Variants in LIX1L observed in about 807,000 individuals in gnomAD.
The protein encoded by LIX1L is limb and CNS expressed 1 like.
A neutral mutation model predicts 34.0 loss-of-function variants in LIX1L; 20 were observed. The ratio of observed to expected loss-of-function variants is 0.59; its 90% CI spans 0.41 to 0.85. The LOEUF (loss-of-function observed/expected upper bound fraction) is 0.85. LIX1L is among the 40% of genes least tolerant of loss of function. The pLI is 0.00. For synonymous variants in LIX1L, 170 were observed against 187.4 expected (o/e 0.91, Z 0.76); for missense variants, 397 against 447.0 (o/e 0.89, Z 1.01).
At chr1:145,954,545 C>T (rs1284618048) in intron 1 of LIX1L, among the ~76,000 whole-genome samples, 1 of 152,132 alleles carries the variant, frequency 6.6e-6, no homozygotes, top group Non-Finnish European at 1.5e-5. Flanking sequence ...ATCATGCAGC[C>T]ATATTGTAAC....
intron 3 of LIX1L, among the ~76,000 whole-genome samples, chr1:145,938,201 A>C (rs2101893721): frequency 6.6e-6 from 1 of 152,264 alleles, no homozygotes; most frequent in Admixed American, 6.5e-5. Flanking sequence ...TTATTTTTCA[A>C]CTGTAGTCAG....
rs1553759451 is a variant in LIX1L at position 145,948,190 on chromosome 1, A to G, written c.293-408T>C. Among the ~76,000 whole-genome samples the G allele has an allele frequency of 6.6e-6, 1 of 152,218 alleles. No individual in the cohort carries two copies. The highest frequency in any genetic ancestry group is 1.5e-5 in the Non-Finnish European group (1 of 68,036). On this transcript the variant is annotated intron_variant, in intron 1 of 5. Transcript: ENST00000604000. This position sits in a 1 kb window ranked among gnomAD's most constrained non-coding sequence, Gnocchi z 4.0. ...ACAGTTGGTTAGCTGGCCCAGGATG[A>G]TAATAACCACCACAATAAGTGCTAA...
rs187612084 is a variant in LIX1L, at chr1:145,948,470, A to T, written c.293-688T>A. Among the ~76,000 whole-genome samples, 1 of 152,294 alleles carries T rather than the reference A, an allele frequency of 6.6e-6. No homozygotes were observed. Among genetic ancestry groups the T allele is most frequent in the East Asian group, 1.9e-4 (1 of 5,184 alleles). ...TCAAGGAAATATAGCCCTAATAACCATTCTCGAGCCTGTGCTTCTAGTGAG... is the reference window on the plus strand; with the variant it reads ...TCAAGGAAATATAGCCCTAATAACCTTTCTCGAGCCTGTGCTTCTAGTGAG... On this transcript the variant is annotated intron_variant, in intron 1 of 5. Coordinates refer to ENST00000604000, the MANE Select transcript of LIX1L (RefSeq NM_153713.3). This position sits in a 1 kb window ranked among gnomAD's most constrained non-coding sequence, Gnocchi z 4.0.
At chr1:145,955,610 A>G (rs1028291471) in intron 1 of LIX1L, among the ~76,000 whole-genome samples, 24 of 152,226 alleles carry the variant, frequency 1.6e-4, no homozygotes, top group African/African-American at 5.1e-4. Flanking sequence ...TTGAAGCAGA[A>G]TAAGTGATTC....
rs1426218416 is a variant in LIX1L at position 145,934,975 on chromosome 1, T to A, written c.*1335A>T. 2 of 152,012 alleles carry A rather than the reference T, an allele frequency of 1.3e-5. No homozygotes were observed. Among genetic ancestry groups the A allele is most frequent in the Admixed American group, 6.6e-5 (1 of 15,252 alleles). 9.4% of individuals were successfully genotyped at this position (152,012 alleles called of 1,614,324 possible). On this transcript the variant is annotated 3_prime_UTR_variant, in exon 6 of 6. Coordinates refer to ENST00000604000, the MANE Select transcript of LIX1L (RefSeq NM_153713.3). ...TTATGTCAGGAGTTCAAGAACAGCC[T>A]GGCCAACATGGTGAAACCCTGTCTC...
intron 2 of LIX1L, among the ~76,000 whole-genome samples, chr1:145,943,757 C>G (rs1440720639): frequency 6.6e-6 from 1 of 151,966 alleles, no homozygotes. Context: ...AGACCAAGGC[C>G]GGGCTTGGTG....
chr1:145,943,998 C>T (rs1250483583), intron 2 of LIX1L, among the ~76,000 whole-genome samples: 1 of 151,882 alleles, frequency 6.6e-6, no homozygotes, highest in Non-Finnish European at 1.5e-5. Flanking sequence ...GTTATGATCA[C>T]ACCACTACAC....
At position 145,955,526 on chromosome 1, in the gene LIX1L, G is replaced by A. The variant is rs115493746; in HGVS notation, c.292+2110C>T. Among the ~76,000 whole-genome samples the A allele has an allele frequency of 8.1e-3, 1,230 of 152,292 alleles. 15 individuals carry two copies. The highest frequency in any genetic ancestry group is 0.028 in the African/African-American group (1,184 of 41,552). On this transcript the variant is annotated intron_variant, in intron 1 of 5. Transcript: ENST00000604000. ...AGTAAATTGTATTCAGGGGAATACA[G>A]CCATTCCCCCAAATAACATGCCATC...
At chr1:145,947,282 T>C (rs1337548128) in intron 2 of LIX1L, 6 of 236,008 alleles carry the variant, frequency 2.5e-5, no homozygotes, top group African/African-American at 6.6e-5. Flanking sequence ...CAAGGAATAT[T>C]GTTCTATATC....
rs1346503079 is a variant in LIX1L at position 145,957,801 on chromosome 1, G to C, written c.127C>G (p.Pro43Ala). ...AATATPPAGP[P>A]PAPPPPAPPP... ...GGTGCGGGAGGCGGCGGGGCAGGCGGGGGGCCCGCAGGGGGTGTGGCGGTG... is the reference window on the plus strand; with the variant it reads ...GGTGCGGGAGGCGGCGGGGCAGGCGCGGGGCCCGCAGGGGGTGTGGCGGTG... Residue 43 changes from proline to alanine, a missense_variant, in exon 1 of 6, where the codon CCG becomes GCG. This residue lies in a region of LIX1L where 207 missense variants were observed against 205.2 expected (regional missense o/e 1.01). Transcript: ENST00000604000. The C allele has an allele frequency of 2.2e-6, 3 of 1,354,070 alleles. No homozygotes were observed. Among genetic ancestry groups the C allele is most frequent in the African/African-American group, 3.1e-5 (2 of 65,410 alleles). The allele number at this position is 1,354,070 out of a possible 1,614,324, so 83.9% of individuals were successfully genotyped here.
At chr1:145,947,485 C>T (rs895880004) in intron 2 of LIX1L, 134 bp downstream of exon 2, 14 of 943,156 alleles carry the variant, frequency 1.5e-5, no homozygotes, top group African/African-American at 1.5e-4. Flanking sequence ...AGATGCTTGC[C>T]AGAATAATTT....
At chr1:145,941,404 C>G (rs1240350792) in intron 3 of LIX1L, among the ~76,000 whole-genome samples, 6 of 152,008 alleles carry the variant, frequency 3.9e-5, no homozygotes, top group African/African-American at 1.2e-4. Flanking sequence ...AGGCGCCCAC[C>G]ACTGCGCCCA....
chr1:145,942,953 G>A (rs1473191204), intron 2 of LIX1L, 100 bp from the exon 3 acceptor site: 8 of 1,155,440 alleles, frequency 6.9e-6, no homozygotes, highest in African/African-American at 3.1e-5. Context: ...ACACTTGGAC[G>A]CTCTTTGGAT....
chr1:145,939,175 T>G (rs1648782475), intron 3 of LIX1L, among the ~76,000 whole-genome samples: 1 of 151,716 alleles, frequency 6.6e-6, no homozygotes. Context: ...AGAGATGAAG[T>G]CTCTTTATGT....
intron 2 of LIX1L, 124 bp from the exon 3 acceptor site, chr1:145,942,977 T>A: frequency 1.1e-6 from 1 of 918,576 alleles, no homozygotes; most frequent in South Asian, 1.6e-5. Flanking sequence ...TCAGTTGTGT[T>A]CAACACACTT....
chr1:145,944,965 C>T (rs1649047544), intron 2 of LIX1L, among the ~76,000 whole-genome samples: 1 of 151,348 alleles, frequency 6.6e-6, no homozygotes. Context: ...GAAGTTAAGG[C>T]TGCAGTGAGC....
rs1648610827 is a variant in LIX1L, at chr1:145,935,638, AT to A, written c.*671del. 1 of 152,790 alleles carries A rather than the reference AT, an allele frequency of 6.5e-6. No individual in the cohort carries two copies. Among genetic ancestry groups the A allele is most frequent in the Non-Finnish European group, 1.5e-5 (1 of 68,408 alleles). The allele number at this position is 152,790 out of a possible 1,614,324, so 9.5% of individuals were successfully genotyped here. A position where few individuals can be genotyped will look rare whatever the true frequency, so the allele number is the denominator to read the frequency against. ...ATATCCAGAAATCTAGACTACTAGT[AT>A]GGTATACATATGCCCTAGAAGCAAC... is the stretch of plus-strand genomic sequence containing the variant. On this transcript the variant is annotated 3_prime_UTR_variant, in exon 6 of 6. Coordinates refer to ENST00000604000, the MANE Select transcript of LIX1L (RefSeq NM_153713.3).
At chr1:145,951,622 A>G (rs1169111547) in intron 1 of LIX1L, among the ~76,000 whole-genome samples, 2 of 152,188 alleles carry the variant, frequency 1.3e-5, no homozygotes, top group African/African-American at 2.4e-5. Flanking sequence ...CTTTCCTTCT[A>G]TTGGTTTTGG....
intron 5 of LIX1L, 29 bp downstream of exon 5, chr1:145,936,879 C>T (rs782283027): frequency 1.7e-5 from 25 of 1,459,614 alleles, no homozygotes; most frequent in Non-Finnish European, 2.4e-5. Flanking sequence ...GTGCTCCCCT[C>T]ATTCGCCCCC....
Sources: gnomAD v4.1 joint callset for allele counts (sites outside exome capture counted in the v4.1 genomes callset) on GRCh38, gnomAD v4.1.1 for gene constraint, gnomAD v4.1.1 regional missense constraint, Gnocchi (gnomAD v3.1) non-coding constraint, MANE v1.5 for transcripts, NCBI Gene and HGNC (gene_info 2026-07-23, HGNC 2026-07-21) for gene names.